The following SBF2 variants were observed in gnomAD, a reference collection of about 807,000 sequenced individuals.
SBF2 encodes the protein myotubularin-related protein 13.
SBF2 carries 112 observed loss-of-function variants against 225.2 expected under a neutral mutation model. The ratio of observed to expected loss-of-function variants is 0.50; its 90% confidence interval spans 0.43 to 0.58. The LOEUF (loss-of-function observed/expected upper bound fraction) is 0.58. Ranked by LOEUF, SBF2 falls within the 20% of genes least tolerant of loss-of-function variation. The pLI is 0.00. For missense variants in SBF2, 1,996 were observed against 2,206.2 expected, an observed-to-expected ratio of 0.90 and a Z score of 1.91; for synonymous variants, 763 against 773.3, an observed-to-expected ratio of 0.99 and a Z score of 0.22.
At chr11:9,961,160 C>A (rs770808757) in intron 16 of SBF2, 1 of 152,118 alleles carries the variant, frequency 6.6e-6, no homozygotes, top group African/African-American at 2.4e-5. Context: ...CCATTCCATA[C>A]AAATGATACA....
intron 2 of SBF2, among the ~76,000 whole-genome samples, chr11:10,193,645 C>T (rs1957265542): frequency 6.6e-6 from 1 of 152,070 alleles, no homozygotes; most frequent in Admixed American, 6.5e-5. Flanking sequence ...AGCCACCGCG[C>T]CTGGCCCTCA....
intron 1 of SBF2, among the ~76,000 whole-genome samples, chr11:10,212,108 T>A (rs1957962633): frequency 6.6e-6 from 1 of 152,232 alleles, no homozygotes; most frequent in South Asian, 2.1e-4. Flanking sequence ...GAGGTTACAC[T>A]TGGCTCTTCC....
intron 1 of SBF2, among the ~76,000 whole-genome samples, chr11:10,284,733 C>T (rs1963633016): frequency 1.3e-5 from 2 of 152,054 alleles, no homozygotes; most frequent in East Asian, 3.9e-4. Context: ...ACCTCAACCT[C>T]CCAAGCAGCT....
intron 2 of SBF2, among the ~76,000 whole-genome samples, chr11:10,065,685 C>T (rs903816159): frequency 3.9e-5 from 6 of 152,154 alleles, no homozygotes; most frequent in South Asian, 2.1e-4. Flanking sequence ...GGCACAGTGA[C>T]GCACGCCTGT....
intron 21 of SBF2, among the ~76,000 whole-genome samples, chr11:9,852,421 C>T (rs1245853367): frequency 2.6e-5 from 4 of 151,966 alleles, no homozygotes; most frequent in Non-Finnish European, 5.9e-5. Context: ...TAATTTATGC[C>T]CTGCCTATAA....
chr11:9,997,939 G>C (rs1565112203), intron 9 of SBF2, among the ~76,000 whole-genome samples: 2 of 152,174 alleles, frequency 1.3e-5, no homozygotes, highest in African/African-American at 4.8e-5. Context: ...ACATCTAATG[G>C]GGGATCTTAG....
At chr11:10,117,090 A>C (rs1953175922) in intron 2 of SBF2, among the ~76,000 whole-genome samples, 1 of 152,242 alleles carries the variant, frequency 6.6e-6, no homozygotes, top group African/African-American at 2.4e-5. Context: ...TCAAAAAACC[A>C]GGTTAGTGAT....
At chr11:10,147,070 A>T (rs1954922504) in intron 2 of SBF2, among the ~76,000 whole-genome samples, 1 of 150,760 alleles carries the variant, frequency 6.6e-6, no homozygotes, top group Non-Finnish European at 1.5e-5. Flanking sequence ...AAAAAAAAAT[A>T]GATGCTGACA....
chr11:10,024,350 C>T (rs1434055914), intron 6 of SBF2, among the ~76,000 whole-genome samples: 1 of 146,128 alleles, frequency 6.8e-6, no homozygotes, highest in Non-Finnish European at 1.5e-5. Flanking sequence ...AATAGTCAAA[C>T]TGTGTTCCAA....
chr11:9,878,008 C>T (rs1192127404), intron 17 of SBF2, among the ~76,000 whole-genome samples: 2 of 152,298 alleles, frequency 1.3e-5, no homozygotes, highest in East Asian at 1.9e-4. Flanking sequence ...TTTACACTCC[C>T]ACCAACAGTG....
intron 1 of SBF2, among the ~76,000 whole-genome samples, chr11:10,279,507 C>A (rs372960609): frequency 1.3e-5 from 2 of 151,870 alleles, no homozygotes; most frequent in African/African-American, 2.4e-5. Context: ...TACCCTGAAA[C>A]TTCTTGGCAC....
intron 1 of SBF2, among the ~76,000 whole-genome samples, chr11:10,263,149 T>C (rs1459285046): frequency 6.6e-6 from 1 of 152,054 alleles, no homozygotes; most frequent in African/African-American, 2.4e-5. Flanking sequence ...GGCCAATTGA[T>C]AAATCATTCA....
At chr11:10,073,001 G>A (rs1042678035) in intron 2 of SBF2, among the ~76,000 whole-genome samples, 1 of 151,784 alleles carries the variant, frequency 6.6e-6, no homozygotes, top group Admixed American at 6.6e-5. Flanking sequence ...CAAGCAATCC[G>A]CCTGCCTTGG....
chr11:10,146,951 A>G lies in SBF2; in HGVS notation c.141+46951T>C, dbSNP rs183268362. 3.7e-4 allele frequency among the ~76,000 whole-genome samples: 57 copies of G among 152,244 alleles called. 1 individual carries two copies. Among genetic ancestry groups the G allele is most frequent in the African/African-American group, 1.2e-3 (51 of 41,538 alleles). On this transcript the variant is annotated intron_variant, in intron 2 of 39. Coordinates refer to ENST00000256190, the MANE Select transcript of SBF2 (RefSeq NM_030962.4). ...GAAGACATGCATGTGGCCAATGACC[A>G]TATGAAAAAAGCTCAATTTCACTAA...
In SBF2 at chr11:10,217,203, C is replaced by G. The variant is rs534710677; in HGVS notation, c.56-23216G>C. ...TTATTAAAAATACAAAATTCCCCATCCTTCATATTGGAGAACTAATAGATG... is the reference window on the plus strand; with the variant it reads ...TTATTAAAAATACAAAATTCCCCATGCTTCATATTGGAGAACTAATAGATG... On this transcript the variant is annotated intron_variant, in intron 1 of 39. Coordinates refer to ENST00000256190, the MANE Select transcript of SBF2 (RefSeq NM_030962.4). Among the ~76,000 whole-genome samples, 208 of 152,246 alleles carry G rather than the reference C, an allele frequency of 1.4e-3. 3 individuals are homozygous for G. Among genetic ancestry groups the G allele is most frequent in the Non-Finnish European group, 3.7e-4 (25 of 68,012 alleles).
In SBF2 at chr11:10,119,240, T is replaced by C. The variant is rs77421545; in HGVS notation, c.141+74662A>G. 2.0e-4 allele frequency among the ~76,000 whole-genome samples: 30 copies of C among 152,230 alleles called. 1 individual carries two copies. In the East Asian group the frequency reaches 5.8e-3, roughly 29 times the overall value. On this transcript the variant is annotated intron_variant, in intron 2 of 39. Transcript: ENST00000256190. ...CTAAAACTTTATATGACAAAGCTTG[T>C]CTTAGTACTTCCTGTTCCGCTTGTT...
chr11:9,812,743 A>C, intron 29 of SBF2, 35 bp from the exon 30 acceptor site: 1 of 1,606,834 alleles, frequency 6.2e-7, no homozygotes, highest in Non-Finnish European at 8.5e-7. Context: ...AGGCAGATGA[A>C]GTGCTATAGG....
chr11:10,072,107 T>C (rs1950905099), intron 2 of SBF2, among the ~76,000 whole-genome samples: 1 of 152,236 alleles, frequency 6.6e-6, no homozygotes, highest in South Asian at 2.1e-4. Context: ...TCAGGCATAA[T>C]TTGAATAGTA....
At position 10,091,114 on chromosome 11, in the gene SBF2, A is replaced by G. The variant is rs549539331; in HGVS notation, c.142-48133T>C. Among the ~76,000 whole-genome samples, 22 of 152,328 alleles carry G rather than the reference A, an allele frequency of 1.4e-4. No homozygotes were observed. The South Asian group carries it at 4.3e-3, about 30-fold the overall frequency. On this transcript the variant is annotated intron_variant, in intron 2 of 39. Transcript: ENST00000256190. ...GCTAACAAATTAAGTCCAATGAAGT[A>G]TAATACTATCCTCACTCTCTGGGAA...
Sources: gnomAD v4.1 joint callset for allele counts (sites outside exome capture counted in the v4.1 genomes callset) on GRCh38, gnomAD v4.1.1 for gene constraint, MANE v1.5 for transcripts, NCBI Gene and HGNC (gene_info 2026-07-23, HGNC 2026-07-21) for gene names.